The following EYA2 variants were observed in gnomAD, a reference collection of about 807,000 sequenced individuals.
The protein encoded by EYA2 is protein phosphatase EYA2.
EYA2 carries 31 observed loss-of-function variants against 69.2 expected under a neutral mutation model. The observed-to-expected ratio is 0.45, with a 90% CI of 0.34 to 0.60. EYA2 has a LOEUF of 0.60. Among genes scored for constraint, EYA2 ranks in the 20% least tolerant of loss-of-function variants. The pLI is 0.02. For missense variants in EYA2, 622 were observed against 701.2 expected (o/e 0.89, Z 1.28); for synonymous variants, 257 against 279.4 (o/e 0.92, Z 0.80).
rs1446760242 is a variant in EYA2 at position 47,173,300 on chromosome 20, T to TC, written c.1198+439dup. On this transcript the variant is annotated intron_variant, in intron 12 of 15. Coordinates refer to ENST00000327619, the MANE Select transcript of EYA2 (RefSeq NM_005244.5). ...AATCTGTGTTTTCACAGCCCTGGAA[T>TC]CCCCCCTTGGATTCTGGAATTCCAG... Among the ~76,000 whole-genome samples, 11 of 151,660 alleles carry TC rather than the reference T, an allele frequency of 7.3e-5. No homozygotes were observed. The South Asian group carries it at 1.0e-3, about 14-fold the overall frequency.
At chr20:46,980,991 T>C (rs906540832) in intron 1 of EYA2, among the ~76,000 whole-genome samples, 3 of 152,250 alleles carry the variant, frequency 2.0e-5, no homozygotes, top group South Asian at 2.1e-4. Context: ...ACATTTTCTT[T>C]ATCCATCCAT....
At chr20:47,087,678 C>T (rs1383267997) in intron 7 of EYA2, among the ~76,000 whole-genome samples, 3 of 152,310 alleles carry the variant, frequency 2.0e-5, no homozygotes, top group South Asian at 2.1e-4. Context: ...ACTAGACAAT[C>T]GCCGGTGGGC....
At chr20:47,149,811 C>T (rs1297847501) in intron 10 of EYA2, among the ~76,000 whole-genome samples, 1 of 151,946 alleles carries the variant, frequency 6.6e-6, no homozygotes, top group African/African-American at 2.4e-5. Flanking sequence ...GAGATCACAC[C>T]ACTGCAGTCC....
At chr20:47,129,814 C>T (rs2033291419) in intron 9 of EYA2, among the ~76,000 whole-genome samples, 4 of 152,122 alleles carry the variant, frequency 2.6e-5, no homozygotes, top group Admixed American at 2.0e-4. Context: ...AAGTGCTGAG[C>T]GCAGGAGCAG....
chr20:47,089,470 G>C, intron 8 of EYA2, 89 bp downstream of exon 8: 1 of 1,430,944 alleles, frequency 7.0e-7, no homozygotes, highest in Non-Finnish European at 9.5e-7. Flanking sequence ...CTCCAAGTAC[G>C]AGGCGGAGAA....
At chr20:47,078,329 G>GCACACACACACACACACA (rs11472681) in intron 7 of EYA2, among the ~76,000 whole-genome samples, 4 of 116,066 alleles carry the variant, frequency 3.4e-5, no homozygotes, top group East Asian at 4.7e-4. Context: ...GCGCGCGCGC[G>GCACACACACACACACACA]CGCACACACA....
At chr20:47,061,391 C>T (rs918275573) in intron 5 of EYA2, among the ~76,000 whole-genome samples, 2 of 152,070 alleles carry the variant, frequency 1.3e-5, no homozygotes, top group South Asian at 2.1e-4. Flanking sequence ...ATTAGCTGGG[C>T]ATGGTGTCAT....
Position 47,188,183 on chromosome 20 carries a change from C to T in EYA2, c.*50C>T. The T allele has an allele frequency of 2.1e-5, 31 of 1,510,888 alleles. No homozygotes were observed. Among genetic ancestry groups the T allele is most frequent in the Non-Finnish European group, 2.7e-5 (30 of 1,120,538 alleles). 93.6% of individuals were successfully genotyped at this position (1,510,888 alleles called of 1,614,324 possible). Reference sequence around the variant, plus strand: ...CCATCTCACCCTCAGACCCCCTCGCCTTCCCCACCTCCCCACCGAGAACTC... The same window carrying T: ...CCATCTCACCCTCAGACCCCCTCGCTTTCCCCACCTCCCCACCGAGAACTC... On this transcript the variant is annotated 3_prime_UTR_variant, in exon 16 of 16. Transcript: ENST00000327619.
chr20:47,172,885 T>G lies in EYA2; in HGVS notation c.1198+18T>G. ...CGTTGGTGGTGAGTACTGTGAGCCT[T>G]GGGCCTCCGAGGAAGGGAAACTCAT... On this transcript the variant is annotated intron_variant, in intron 12 of 15. Transcript: ENST00000327619. The G allele has an allele frequency of 6.3e-7, 1 of 1,593,764 alleles. No homozygotes were observed. The highest frequency in any genetic ancestry group is 2.2e-5 in the East Asian group (1 of 44,558).
chr20:47,051,607 C>T (rs1437855301), intron 5 of EYA2, among the ~76,000 whole-genome samples: 1 of 152,242 alleles, frequency 6.6e-6, no homozygotes, highest in Non-Finnish European at 1.5e-5. Flanking sequence ...GGAGCCTTCT[C>T]TGATGACCCA....
intron 1 of EYA2, among the ~76,000 whole-genome samples, chr20:46,936,078 T>C (rs1258670230): frequency 1.3e-5 from 2 of 152,078 alleles, no homozygotes; most frequent in African/African-American, 2.4e-5. Context: ...TCTGAAAAAG[T>C]CTGAAATCCT....
intron 1 of EYA2, among the ~76,000 whole-genome samples, chr20:46,902,427 G>A (rs1984157026): frequency 6.6e-6 from 1 of 152,168 alleles, no homozygotes; most frequent in Admixed American, 6.5e-5. Flanking sequence ...GGAACGTGCT[G>A]TTATTATTAT....
intron 5 of EYA2, among the ~76,000 whole-genome samples, chr20:47,027,961 T>C (rs1984190612): frequency 6.6e-6 from 1 of 152,204 alleles, no homozygotes; most frequent in Admixed American, 6.5e-5. Flanking sequence ...GCCCCTAAAA[T>C]TCATATGTTG....
At chr20:47,171,965 C>T (rs1172894034) in intron 11 of EYA2, among the ~76,000 whole-genome samples, 4 of 151,952 alleles carry the variant, frequency 2.6e-5, no homozygotes, top group African/African-American at 7.2e-5. Flanking sequence ...TGGTGGAGGG[C>T]ACCTGTAATC....
chr20:46,955,412 G>T (rs1979061941), intron 1 of EYA2, among the ~76,000 whole-genome samples: 1 of 152,268 alleles, frequency 6.6e-6, no homozygotes. Context: ...CAAGAACAAA[G>T]GCCACCTCAC....
intron 9 of EYA2, among the ~76,000 whole-genome samples, chr20:47,102,115 C>G (rs2032439650): frequency 6.6e-6 from 1 of 152,206 alleles, no homozygotes; most frequent in African/African-American, 2.4e-5. Flanking sequence ...CATTCTGTAT[C>G]TCTTAGCCAA....
chr20:47,051,235 G>A (rs6018241), intron 5 of EYA2, among the ~76,000 whole-genome samples: 63,557 of 152,214 alleles, frequency 0.42, 13,684 homozygotes, highest in East Asian at 0.57. Flanking sequence ...CACGGTGCAC[G>A]TGGCTGGCAT....
intron 11 of EYA2, among the ~76,000 whole-genome samples, chr20:47,169,962 A>G (rs963424302): frequency 6.6e-6 from 1 of 151,902 alleles, no homozygotes; most frequent in Non-Finnish European, 1.5e-5. Flanking sequence ...CTGGAGTGCA[A>G]TGGTGTGATC....
At chr20:46,908,250 A>G (rs1243824349) in intron 1 of EYA2, among the ~76,000 whole-genome samples, 1 of 152,364 alleles carries the variant, frequency 6.6e-6, no homozygotes, top group African/African-American at 2.4e-5. Context: ...ATAAACACAT[A>G]TGTATATAAG....
Sources: gnomAD v4.1 joint callset for allele counts (sites outside exome capture counted in the v4.1 genomes callset) on GRCh38, gnomAD v4.1.1 for gene constraint, MANE v1.5 for transcripts, NCBI Gene and HGNC (gene_info 2026-07-23, HGNC 2026-07-21) for gene names.